Variants in TLN2 observed in about 807,000 individuals in gnomAD.
TLN2 encodes talin 2.
TLN2 carries 118 observed loss-of-function variants against 294.7 expected under a neutral mutation model. That is an observed-to-expected ratio of 0.40 (90% CI 0.34 to 0.47). The LOEUF is 0.47. Among genes scored for constraint, TLN2 ranks in the 20% least tolerant of loss-of-function variants. The pLI is 0.84. For synonymous variants in TLN2, 1,431 were observed against 1,304.5 expected (o/e 1.10, Z -2.09); for missense variants, 3,083 against 3,282.2 (o/e 0.94, Z 1.48).
intron 30 of TLN2, among the ~76,000 whole-genome samples, chr15:62,738,761 G>A (rs2061163083): frequency 6.6e-6 from 1 of 152,158 alleles, no homozygotes; most frequent in South Asian, 2.1e-4. Flanking sequence ...TTGTGCTGGT[G>A]CATCTTTGTT....
Position 62,840,554 on chromosome 15 carries a change from A to G in TLN2, c.7573A>G (p.Ile2525Val), listed in dbSNP as rs2070547867. ...LEEARKKLAQ[I>V]RQQQYKFLPT... ...AGAAGCAAGGAAAAAACTGGCCCAA[A>G]TCCGCCAGCAGCAGTATAAGTTTTT... Residue 2525 changes from isoleucine to valine, a missense_variant, in exon 59 of 59, where the codon ATC becomes GTC. Coordinates refer to ENST00000636159, the MANE Select transcript of TLN2 (RefSeq NM_015059.3). 1 of 1,614,068 alleles carries G rather than the reference A, an allele frequency of 6.2e-7. No homozygotes were observed. The highest frequency in any genetic ancestry group is 1.3e-5 in the African/African-American group (1 of 74,934).
In TLN2 at chr15:62,841,720, G is replaced by C. The variant is rs1288130741; in HGVS notation, c.*1110G>C. 6.6e-6 allele frequency: 1 copy of C among 152,020 alleles called. No individual in the cohort carries two copies. Among genetic ancestry groups the C allele is most frequent in the Non-Finnish European group, 1.5e-5 (1 of 68,014 alleles). The allele number at this position is 152,020 out of a possible 1,614,324, so 9.4% of individuals were successfully genotyped here. A position where few individuals can be genotyped will look rare whatever the true frequency, so the allele number is the denominator to read the frequency against. On this transcript the variant is annotated 3_prime_UTR_variant, in exon 59 of 59. Coordinates refer to ENST00000636159, the MANE Select transcript of TLN2 (RefSeq NM_015059.3). Reference sequence around the variant, plus strand: ...TCATTTTCTGGATGTCACACTTCCAGAATTTCATATTTTTCCCCTCTTTTC... The same window carrying C: ...TCATTTTCTGGATGTCACACTTCCACAATTTCATATTTTTCCCCTCTTTTC...
intron 9 of TLN2, among the ~76,000 whole-genome samples, chr15:62,666,739 T>C (rs1401265987): frequency 6.6e-6 from 1 of 152,216 alleles, no homozygotes; most frequent in East Asian, 1.9e-4. Flanking sequence ...TAACCAGAAC[T>C]TCAGAACTTA....
chr15:62,833,365 C>G, intron 54 of TLN2, 139 bp from the exon 55 acceptor site: 2 of 1,293,826 alleles, frequency 1.5e-6, no homozygotes, highest in Non-Finnish European at 2.1e-6. Context: ...TGTTAAGGAA[C>G]CATCCCATTT....
chr15:62,722,517 T>C (rs185231371), intron 26 of TLN2, 30 bp downstream of exon 26: 496 of 1,588,728 alleles, frequency 3.1e-4, no homozygotes, highest in Middle Eastern at 4.5e-4. Context: ...GGGGTTAACT[T>C]GTCAGGAAGG....
chr15:62,686,573 A>G, intron 11 of TLN2, 68 bp from the exon 12 acceptor site: 1 of 1,528,090 alleles, frequency 6.5e-7, no homozygotes, highest in Admixed American at 2.0e-5. Context: ...TCAAAAAATC[A>G]CTGATTCCCT....
At chr15:62,617,880 C>T (rs536271093) in intron 2 of TLN2, among the ~76,000 whole-genome samples, 14 of 152,084 alleles carry the variant, frequency 9.2e-5, no homozygotes, top group South Asian at 2.1e-4. Context: ...CTGTAGTCTT[C>T]CAGTTAAAAA....
At chr15:62,700,053 G>A (rs2058618204) in intron 16 of TLN2, among the ~76,000 whole-genome samples, 1 of 152,198 alleles carries the variant, frequency 6.6e-6, no homozygotes, top group Admixed American at 6.5e-5. Context: ...GCACAGTTGT[G>A]TGCGTGGAGG....
In TLN2 at chr15:62,702,931, G is replaced by T. The variant is rs2058805902; in HGVS notation, c.2004+67G>T. 2.1e-6 allele frequency: 3 copies of T among 1,417,460 alleles called. No homozygotes were observed. The Admixed American group carries it at 5.1e-5, about 24-fold the overall frequency. 87.8% of individuals were successfully genotyped at this position (1,417,460 alleles called of 1,614,324 possible). Reference sequence around the variant, plus strand: ...GTGATGGTCTAGACCCGAGCAGGCAGAATGTAATATTTGAAAACTAACTAA... The same window carrying T: ...GTGATGGTCTAGACCCGAGCAGGCATAATGTAATATTTGAAAACTAACTAA... On this transcript the variant is annotated intron_variant, in intron 19 of 58. Transcript: ENST00000636159.
chr15:62,624,110 T>C (rs368267931), intron 3 of TLN2, among the ~76,000 whole-genome samples: 1 of 152,222 alleles, frequency 6.6e-6, no homozygotes. Context: ...ACGTGAGTTT[T>C]GTATTCCACT....
At chr15:62,672,190 C>G (rs1478180331) in intron 9 of TLN2, among the ~76,000 whole-genome samples, 1 of 151,892 alleles carries the variant, frequency 6.6e-6, no homozygotes, top group Non-Finnish European at 1.5e-5. Context: ...TTTATTTTTT[C>G]TACATTTATT....
At chr15:62,489,259 TC>T (rs2038577026) in intron 1 of TLN2, among the ~76,000 whole-genome samples, 1 of 152,214 alleles carries the variant, frequency 6.6e-6, no homozygotes, top group African/African-American at 2.4e-5. Context: ...CTTCACTTTT[TC>T]TAAAACAGTC....
chr15:62,727,485 A>G (rs978460512), intron 28 of TLN2, among the ~76,000 whole-genome samples: 8 of 152,246 alleles, frequency 5.3e-5, no homozygotes, highest in African/African-American at 1.9e-4. Context: ...AAGTAAAGGC[A>G]TAAAAAAAGG....
chr15:62,667,223 C>T (rs1026727508), intron 9 of TLN2, among the ~76,000 whole-genome samples: 4 of 152,188 alleles, frequency 2.6e-5, no homozygotes, highest in Non-Finnish European at 4.4e-5. Context: ...GCCTTGGCCT[C>T]CCAAAGTGCT....
intron 1 of TLN2, among the ~76,000 whole-genome samples, chr15:62,509,062 C>T (rs978648778): frequency 6.6e-5 from 10 of 152,150 alleles, no homozygotes; most frequent in African/African-American, 2.2e-4. Context: ...AGAAACTAAA[C>T]TATAGAAAGC....
Position 62,835,876 on chromosome 15 carries a change from G to A in TLN2, c.7192-15G>A, listed in dbSNP as rs375736199. On this transcript the variant is annotated splice_polypyrimidine_tract_variant and intron_variant, in intron 56 of 58. Coordinates refer to ENST00000636159, the MANE Select transcript of TLN2 (RefSeq NM_015059.3). ...GGTTTGGGCCTTGGGTCACTTCTCC[G>A]TTGACTGTCCCCAGGCCCGGATGGT... 353 of 1,614,024 alleles carry A rather than the reference G, an allele frequency of 2.2e-4. No individual in the cohort carries two copies. Among genetic ancestry groups the A allele is most frequent in the Non-Finnish European group, 2.8e-4 (335 of 1,180,030 alleles).
chr15:62,544,952 C>T (rs889504327), intron 1 of TLN2, among the ~76,000 whole-genome samples: 4 of 151,188 alleles, frequency 2.6e-5, no homozygotes, highest in Non-Finnish European at 4.4e-5. Flanking sequence ...TTTTTTGAGA[C>T]GGAGTCTCGC....
At chr15:62,695,840 TCACTTCA>T (rs1453328589) in intron 14 of TLN2, among the ~76,000 whole-genome samples, 14 of 152,234 alleles carry the variant, frequency 9.2e-5, no homozygotes, top group African/African-American at 3.4e-4. Flanking sequence ...GTGATCTGCG[TCACTTCA>T]GAGGACTCTG....
chr15:62,593,676 C>A (rs1011839513), intron 2 of TLN2, among the ~76,000 whole-genome samples: 79 of 152,056 alleles, frequency 5.2e-4, no homozygotes, highest in African/African-American at 1.3e-3. Context: ...TTTTTAGCTG[C>A]GAAATTCCAT....
Sources: allele counts gnomAD v4.1 joint callset (sites outside exome capture counted in the v4.1 genomes callset), GRCh38; gene constraint gnomAD v4.1.1; transcripts MANE v1.5; gene names NCBI Gene and HGNC (gene_info 2026-07-23, HGNC 2026-07-21).